The following EXOC6B variants were observed in gnomAD, a reference collection of about 807,000 sequenced individuals.
EXOC6B encodes the protein SEC15 homolog B.
In EXOC6B, 54 loss-of-function variants were observed where a neutral mutation model predicts 113.5. The ratio of observed to expected loss-of-function variants is 0.48; its 90% confidence interval spans 0.38 to 0.60. The LOEUF is 0.60. EXOC6B is among the 20% of genes least tolerant of loss of function. The probability of loss-of-function intolerance (pLI) is 0.00; values close to 1 mark genes in which losing one functional copy is unlikely to be tolerated. For synonymous variants in EXOC6B, 357 were observed against 339.0 expected (o/e 1.05, Z -0.58); for missense variants, 797 against 977.5 (o/e 0.82, Z 2.46).
intron 6 of EXOC6B, among the ~76,000 whole-genome samples, chr2:72,660,987 T>C (rs1034778087): frequency 5.3e-5 from 8 of 152,100 alleles, no homozygotes; most frequent in Non-Finnish European, 1.0e-4. Flanking sequence ...TTCTCTTTCT[T>C]TTCTCTATCT....
At chr2:72,252,250 G>A (rs1327941979) in intron 20 of EXOC6B, among the ~76,000 whole-genome samples, 3 of 152,074 alleles carry the variant, frequency 2.0e-5, no homozygotes, top group Non-Finnish European at 4.4e-5. Flanking sequence ...ATAAACAGGG[G>A]TAAAATTTCT....
At chr2:72,304,492 AT>A (rs887381424) in intron 20 of EXOC6B, among the ~76,000 whole-genome samples, 53 of 151,846 alleles carry the variant, frequency 3.5e-4, no homozygotes, top group African/African-American at 6.0e-4. Flanking sequence ...CATGGATTAA[AT>A]TTTTTTTTAC....
chr2:72,664,185 T>C (rs772611677), intron 6 of EXOC6B, among the ~76,000 whole-genome samples: 7 of 151,906 alleles, frequency 4.6e-5, no homozygotes, highest in Admixed American at 2.0e-4. Flanking sequence ...AGGAACAAAA[T>C]GGCTGACTAG....
At chr2:72,568,001 G>C (rs7600230) in intron 7 of EXOC6B, among the ~76,000 whole-genome samples, 4 of 152,186 alleles carry the variant, frequency 2.6e-5, no homozygotes, top group African/African-American at 9.6e-5. Context: ...TTAGGGAACA[G>C]GATAGTCACA....
At chr2:72,378,094 AT>A (rs1389928524) in intron 19 of EXOC6B, among the ~76,000 whole-genome samples, 2 of 152,164 alleles carry the variant, frequency 1.3e-5, no homozygotes, top group African/African-American at 4.8e-5. Context: ...CAGAATTCCA[AT>A]GTTTCCATGT....
intron 20 of EXOC6B, among the ~76,000 whole-genome samples, chr2:72,258,361 C>CTTTTTTTTT (rs967346322): frequency 2.4e-5 from 3 of 124,834 alleles, no homozygotes; most frequent in Non-Finnish European, 5.1e-5. Context: ...TTATCTTTTT[C>CTTTTTTTTT]TTTTTTTTTT....
chr2:72,318,900 A>T (rs1572905981), intron 20 of EXOC6B, among the ~76,000 whole-genome samples: 3 of 71,674 alleles, frequency 4.2e-5, no homozygotes, highest in African/African-American at 1.6e-3. Flanking sequence ...GAAGTTAATA[A>T]AAAAAAAAAA....
At chr2:72,733,764 A>G (rs1558958722) in intron 2 of EXOC6B, among the ~76,000 whole-genome samples, 1 of 152,222 alleles carries the variant, frequency 6.6e-6, no homozygotes, top group Non-Finnish European at 1.5e-5. Flanking sequence ...AATGATGGAA[A>G]AAATTAATTA....
chr2:72,197,051 A>G (rs945769060), intron 20 of EXOC6B, among the ~76,000 whole-genome samples: 2 of 152,206 alleles, frequency 1.3e-5, no homozygotes, highest in Non-Finnish European at 2.9e-5. Flanking sequence ...AATTTCAAGC[A>G]AAGAGACTAG....
chr2:72,697,117 T>TAGATAC (rs1558927130), intron 6 of EXOC6B, among the ~76,000 whole-genome samples: 1 of 149,190 alleles, frequency 6.7e-6, no homozygotes, highest in Non-Finnish European at 1.5e-5. Flanking sequence ...GATATAGATA[T>TAGATAC]AGATATAGAT....
At chr2:72,271,915 G>T (rs919417408) in intron 20 of EXOC6B, among the ~76,000 whole-genome samples, 2 of 152,048 alleles carry the variant, frequency 1.3e-5, no homozygotes, top group Non-Finnish European at 2.9e-5. Flanking sequence ...GTCACATAGA[G>T]GTAAAGCTGA....
intron 19 of EXOC6B, among the ~76,000 whole-genome samples, chr2:72,368,115 G>A (rs556502282): frequency 1.3e-5 from 2 of 152,222 alleles, no homozygotes; most frequent in Non-Finnish European, 2.9e-5. Context: ...CCCAGGCAGT[G>A]CAGCTCATAG....
intron 21 of EXOC6B, among the ~76,000 whole-genome samples, chr2:72,181,167 C>T (rs1188403185): frequency 2.0e-5 from 3 of 150,286 alleles, no homozygotes; most frequent in Admixed American, 6.6e-5. Context: ...CAAGATCACA[C>T]CACTGCACTC....
chr2:72,695,306 C>T (rs543301738), intron 6 of EXOC6B, among the ~76,000 whole-genome samples: 4 of 152,246 alleles, frequency 2.6e-5, no homozygotes, highest in East Asian at 1.9e-4. Context: ...AGGACAACCA[C>T]GTATGAAAAG....
chr2:72,354,238 C>T (rs1689841774), intron 19 of EXOC6B: 1 of 152,184 alleles, frequency 6.6e-6, no homozygotes, highest in South Asian at 2.1e-4. Context: ...GACAGAATTT[C>T]AGGGTATTGA....
chr2:72,245,308 A>C (rs998371312), intron 20 of EXOC6B, among the ~76,000 whole-genome samples: 11 of 152,230 alleles, frequency 7.2e-5, no homozygotes, highest in Non-Finnish European at 1.5e-4. Flanking sequence ...GACAGAATAA[A>C]AGGTCTACAA....
At chr2:72,293,826 A>G (rs1291850260) in intron 20 of EXOC6B, among the ~76,000 whole-genome samples, 1 of 152,170 alleles carries the variant, frequency 6.6e-6, no homozygotes. Flanking sequence ...TGAATCATAC[A>G]TCTGTTGAAA....
At chr2:72,511,973 C>T (rs1700925717) in intron 11 of EXOC6B, among the ~76,000 whole-genome samples, 1 of 152,006 alleles carries the variant, frequency 6.6e-6, no homozygotes, top group African/African-American at 2.4e-5. Context: ...AATTATCTTC[C>T]GTCATTGACT....
intron 7 of EXOC6B, among the ~76,000 whole-genome samples, chr2:72,572,679 C>T (rs1181292376): frequency 3.3e-5 from 5 of 152,110 alleles, no homozygotes; most frequent in Admixed American, 3.3e-4. Context: ...GAATGAAGGT[C>T]AGAACGTCAC....
Sources: allele counts gnomAD v4.1 joint callset (sites outside exome capture counted in the v4.1 genomes callset), GRCh38; gene constraint gnomAD v4.1.1; transcripts MANE v1.5; gene names NCBI Gene and HGNC (gene_info 2026-07-23, HGNC 2026-07-21).